Variants in ZFYVE9 observed in about 807,000 individuals in gnomAD.
The protein encoded by ZFYVE9 is zinc finger FYVE domain-containing protein 9.
In ZFYVE9, 43 loss-of-function variants were observed where a neutral mutation model predicts 126.7. The ratio of observed to expected loss-of-function variants is 0.34; its 90% confidence interval spans 0.27 to 0.44. ZFYVE9 has a LOEUF of 0.44. ZFYVE9 is among the 20% of genes least tolerant of loss of function. ZFYVE9 has a pLI of 1.00. For synonymous variants in ZFYVE9, 521 were observed against 597.4 expected, an observed-to-expected ratio of 0.87 and a Z score of 1.87; for missense variants, 1,476 against 1,697.0, an observed-to-expected ratio of 0.87 and a Z score of 2.29.
At chr1:52,323,046 C>T (rs1332678755) in intron 13 of ZFYVE9, among the ~76,000 whole-genome samples, 6 of 151,990 alleles carry the variant, frequency 3.9e-5, no homozygotes, top group Non-Finnish European at 7.4e-5. Context: ...CCTCGTGATC[C>T]GCCCATCTTG....
intron 5 of ZFYVE9, among the ~76,000 whole-genome samples, chr1:52,264,648 G>A (rs1348756047): frequency 6.6e-6 from 1 of 152,144 alleles, no homozygotes; most frequent in Non-Finnish European, 1.5e-5. Flanking sequence ...ATAAAATGTT[G>A]AACTTGAACA....
At chr1:52,229,148 G>A (rs1645195364) in intron 2 of ZFYVE9, among the ~76,000 whole-genome samples, 1 of 152,114 alleles carries the variant, frequency 6.6e-6, no homozygotes, top group South Asian at 2.1e-4. Flanking sequence ...GATTACAGAT[G>A]TGAGCCACTG....
chr1:52,297,980 C>G (rs1221926180), intron 12 of ZFYVE9, among the ~76,000 whole-genome samples: 1 of 152,086 alleles, frequency 6.6e-6, no homozygotes, highest in African/African-American at 2.4e-5. Flanking sequence ...TCCCAAAGTG[C>G]CTTTTGCCTG....
At chr1:52,199,665 A>C (rs1324358915) in intron 1 of ZFYVE9, among the ~76,000 whole-genome samples, 1 of 152,224 alleles carries the variant, frequency 6.6e-6, no homozygotes, top group Non-Finnish European at 1.5e-5. Context: ...TTTTGTGTGG[A>C]CATGTTTTCA....
chr1:52,337,070 C>G (rs1394729997), intron 15 of ZFYVE9, among the ~76,000 whole-genome samples: 2 of 151,514 alleles, frequency 1.3e-5, no homozygotes, highest in Non-Finnish European at 2.9e-5. Context: ...TCTTGCATTT[C>G]ACTTGTGTGT....
intron 13 of ZFYVE9, among the ~76,000 whole-genome samples, chr1:52,320,341 A>G (rs1051022393): frequency 6.6e-6 from 1 of 152,132 alleles, no homozygotes; most frequent in Admixed American, 6.5e-5. Flanking sequence ...ATGTGCTGGG[A>G]TTACAGGCAT....
At chr1:52,267,066 C>T (rs1159994094) in intron 6 of ZFYVE9, among the ~76,000 whole-genome samples, 5 of 152,212 alleles carry the variant, frequency 3.3e-5, no homozygotes, top group African/African-American at 1.2e-4. Flanking sequence ...TCAGTCTCCT[C>T]TCCAACTTAA....
At chr1:52,193,013 C>G (rs548788380) in intron 1 of ZFYVE9, among the ~76,000 whole-genome samples, 1 of 152,226 alleles carries the variant, frequency 6.6e-6, no homozygotes, top group South Asian at 2.1e-4. Flanking sequence ...TGATAAGGGA[C>G]TTGAGGCACA....
intron 9 of ZFYVE9, 80 bp downstream of exon 9, chr1:52,278,694 C>A: frequency 2.6e-5 from 23 of 875,786 alleles, no homozygotes; most frequent in Non-Finnish European, 3.0e-5. Flanking sequence ...TTATTACACA[C>A]AAGTATTTTT....
At chr1:52,241,936 A>C (rs1645337377) in intron 4 of ZFYVE9, among the ~76,000 whole-genome samples, 1 of 152,144 alleles carries the variant, frequency 6.6e-6, no homozygotes, top group African/African-American at 2.4e-5. Flanking sequence ...CCTTTACTGC[A>C]ACAAGCATAT....
chr1:52,162,930 C>T (rs140863981), intron 1 of ZFYVE9: 81 of 503,796 alleles, frequency 1.6e-4, no homozygotes, highest in East Asian at 1.5e-3. Context: ...CTGACCATCT[C>T]TCCAATTTTA....
chr1:52,152,657 C>G (rs1644367864), intron 1 of ZFYVE9, among the ~76,000 whole-genome samples: 3 of 152,174 alleles, frequency 2.0e-5, no homozygotes, highest in Admixed American at 1.3e-4. Context: ...ATTACAGGCT[C>G]TAGAGTCAAA....
At chr1:52,181,729 C>A (rs1452187453) in intron 1 of ZFYVE9, among the ~76,000 whole-genome samples, 1 of 151,594 alleles carries the variant, frequency 6.6e-6, no homozygotes, top group African/African-American at 2.4e-5. Flanking sequence ...GCGCCTCTGC[C>A]CCGCTGCCCC....
intron 1 of ZFYVE9, chr1:52,150,273 G>C (rs552229787): frequency 1.3e-5 from 2 of 152,330 alleles, no homozygotes; most frequent in Non-Finnish European, 2.9e-5. Context: ...CCTGGAAGTC[G>C]GAGACCACCA....
rs1267036307 is a variant in ZFYVE9, at chr1:52,186,248, A to C, written c.-142-30121A>C. Among the ~76,000 whole-genome samples, 10 of 150,252 alleles carry C rather than the reference A, an allele frequency of 6.7e-5. No homozygotes were observed. In the Middle Eastern group the frequency reaches 0.014, roughly 206 times the overall value. ...GAGCGAGACTCTGTCTCAAAAAAAA[A>C]AAAACAAAACAAAACCCAAAAAACA... On this transcript the variant is annotated intron_variant, in intron 1 of 18. Transcript: ENST00000287727.
intron 17 of ZFYVE9, 69 bp from the exon 18 acceptor site, chr1:52,344,699 A>G: frequency 6.6e-7 from 1 of 1,522,670 alleles, no homozygotes; most frequent in Non-Finnish European, 9.0e-7. Context: ...GTGCTCATAT[A>G]CAGTGAGCTA....
intron 12 of ZFYVE9, among the ~76,000 whole-genome samples, chr1:52,302,373 A>G (rs1420065516): frequency 6.6e-6 from 1 of 152,208 alleles, no homozygotes; most frequent in Non-Finnish European, 1.5e-5. Context: ...CTGGCTATAA[A>G]ATTTAGAATC....
chr1:52,325,314 C>T (rs1329617635), intron 13 of ZFYVE9, among the ~76,000 whole-genome samples: 3 of 151,834 alleles, frequency 2.0e-5, no homozygotes, highest in African/African-American at 7.3e-5. Flanking sequence ...GGCGACAGAG[C>T]GAGACTCCAT....
At chr1:52,143,198 A>G (rs1326006104) in intron 1 of ZFYVE9, among the ~76,000 whole-genome samples, 1 of 152,232 alleles carries the variant, frequency 6.6e-6, no homozygotes, top group Non-Finnish European at 1.5e-5. Context: ...TTCCACTTAA[A>G]GAGATCCAGA....
Sources: gnomAD v4.1 joint callset for allele counts (sites outside exome capture counted in the v4.1 genomes callset) on GRCh38, gnomAD v4.1.1 for gene constraint, MANE v1.5 for transcripts, NCBI Gene and HGNC (gene_info 2026-07-23, HGNC 2026-07-21) for gene names.